SLC12A5: variants seen among roughly 807,000 people sequenced by gnomAD.
The protein encoded by SLC12A5 is solute carrier family 12 member 5.
In SLC12A5, 18 loss-of-function variants were observed where a neutral mutation model predicts 124.0. That is an observed-to-expected ratio of 0.15 (90% CI 0.10 to 0.22). The LOEUF is 0.22. Among genes scored for constraint, SLC12A5 ranks in the 10% least tolerant of loss-of-function variants. SLC12A5 has a pLI of 1.00. For synonymous variants in SLC12A5, 589 were observed against 568.0 expected (o/e 1.04, Z -0.53); for missense variants, 867 against 1,478.7 (o/e 0.59, Z 6.78).
At chr20:46,043,797 C>G (rs2084569671) in intron 10 of SLC12A5, 66 bp downstream of exon 10, 1 of 1,612,448 alleles carries the variant, frequency 6.2e-7, no homozygotes, top group African/African-American at 1.3e-5. Flanking sequence ...GCTGAACTTG[C>G]TGCCTTACCT....
upstream of SLC12A5, among the ~76,000 whole-genome samples, chr20:46,026,518 T>A (rs1051284218): frequency 1.3e-5 from 2 of 152,214 alleles, no homozygotes; most frequent in Non-Finnish European, 1.5e-5. Context: ...TAGGGCACAG[T>A]CTTCCTGAGA....
chr20:46,029,596 G>C (rs972526120), intron 1 of SLC12A5, among the ~76,000 whole-genome samples, 200 bp downstream of exon 1: 3 of 152,214 alleles, frequency 2.0e-5, no homozygotes, highest in Non-Finnish European at 2.9e-5. Flanking sequence ...CGCCGCGCCC[G>C]GGGGCAGAGC....
chr20:46,048,146 G>A (rs1163561101), intron 16 of SLC12A5, 61 bp downstream of exon 16: 25 of 1,459,988 alleles, frequency 1.7e-5, no homozygotes, highest in Non-Finnish European at 2.2e-5. Context: ...AGGCTCAGGA[G>A]ACAGGGGGAA....
chr20:46,050,231 G>GGGAAAGCTGCTTGCTGAAAGTC (rs1332535800), intron 17 of SLC12A5, among the ~76,000 whole-genome samples: 79 of 152,344 alleles, frequency 5.2e-4, no homozygotes, highest in African/African-American at 1.8e-3. Flanking sequence ...GACCCAGAGA[G>GGGAAAGCTGCTTGCTGAAAGTC]GGAAAGCTGC....
chr20:46,046,307 C>T, intron 13 of SLC12A5, 31 bp from the exon 14 acceptor site: 1 of 1,593,210 alleles, frequency 6.3e-7, no homozygotes, highest in Non-Finnish European at 8.6e-7. Context: ...CTTTGCATCT[C>T]TGTCTCCCCT....
chr20:46,034,452 C>T (rs978730573), intron 1 of SLC12A5, among the ~76,000 whole-genome samples: 6 of 152,180 alleles, frequency 3.9e-5, no homozygotes, highest in Admixed American at 1.3e-4. Flanking sequence ...CCCTGCTTCC[C>T]CCATGCCTGT....
intron 9 of SLC12A5, 134 bp from the exon 10 acceptor site, chr20:46,043,499 C>T: frequency 8.5e-7 from 1 of 1,181,360 alleles, no homozygotes; most frequent in Non-Finnish European, 1.2e-6. Flanking sequence ...AGTAACATGT[C>T]CAAGGTCTCA....
chr20:46,041,509 C>A lies in SLC12A5; in HGVS notation c.1035C>A (p.Gly345=). The A allele has an allele frequency of 1.2e-6, 2 of 1,614,100 alleles. No individual in the cohort carries two copies. Among genetic ancestry groups the A allele is most frequent in the Non-Finnish European group, 1.7e-6 (2 of 1,180,012 alleles). ...FTRNNVTEIQ[G]IPGAASGLIK... ...GAAACAATGTCACAGAGATCCAGGG[C>A]ATCCCTGGTGCTGCCAGTGGCCTCA... Residue 345 remains glycine (G), a synonymous_variant, in exon 8 of 26, where the codon GGC becomes GGA. Transcript: ENST00000243964.
chr20:46,054,653 T>C (rs905606046), intron 20 of SLC12A5, among the ~76,000 whole-genome samples: 1 of 152,252 alleles, frequency 6.6e-6, no homozygotes, highest in African/African-American at 2.4e-5. Context: ...CACTCATTCA[T>C]TAGTTCATCC....
intron 7 of SLC12A5, 156 bp downstream of exon 7, chr20:46,040,770 G>A: frequency 5.9e-6 from 7 of 1,195,254 alleles, no homozygotes; most frequent in Non-Finnish European, 8.0e-6. Context: ...CTCTTAGTTT[G>A]GGGGCAATCT....
At chr20:46,030,016 G>T (rs2084434743) in intron 1 of SLC12A5, among the ~76,000 whole-genome samples, 1 of 151,818 alleles carries the variant, frequency 6.6e-6, no homozygotes, top group Admixed American at 6.6e-5. Flanking sequence ...TTGTCCCCTT[G>T]GTGCAATCTG....
chr20:46,032,183 CGCTGCGCTCTCG>C (rs1226930584), intron 1 of SLC12A5, among the ~76,000 whole-genome samples: 2 of 152,222 alleles, frequency 1.3e-5, no homozygotes, highest in Admixed American at 1.3e-4. Flanking sequence ...CTAGGCTCGG[CGCTGCGCTCTCG>C]GCCTGCGCGG....
chr20:46,021,843 T>C (rs1012035381), exon 1 of SLC12A5: 212 of 1,533,060 alleles, frequency 1.4e-4, no homozygotes, highest in Non-Finnish European at 1.8e-4. Context: ...CCCGCCGGCA[T>C]TCGGTCGCAG....
At chr20:46,029,142 G>GT, upstream of SLC12A5, 1 of 1,395,784 alleles carries the variant, frequency 7.2e-7, no homozygotes, top group Non-Finnish European at 9.3e-7. Flanking sequence ...GAGCAGCGCC[G>GT]CTGCTGAGAG....
upstream of SLC12A5, chr20:46,027,735 A>T (rs971400868): frequency 6.6e-6 from 1 of 152,182 alleles, no homozygotes; most frequent in Non-Finnish European, 1.5e-5. Context: ...AGGCAAGACG[A>T]CTTTTATAAG....
rs2084561781 is a variant in SLC12A5 at position 46,043,048 on chromosome 20, T to G, written c.1067-105T>G. On this transcript the variant is annotated intron_variant, in intron 8 of 25. Transcript: ENST00000243964. ...AGAGATAAGGCCGGGGAGAGTGAGA[T>G]GGGGTTGATCTTGACCCTGACTTTT... 3 of 1,061,658 alleles carry G rather than the reference T, an allele frequency of 2.8e-6. No homozygotes were observed. The Admixed American group carries it at 6.4e-5, about 23-fold the overall frequency. The allele number at this position is 1,061,658 out of a possible 1,614,324, so 65.8% of individuals were successfully genotyped here.
In SLC12A5 at chr20:46,058,370, C is replaced by G. The variant is rs1200698715; in HGVS notation, c.*765C>G. The G allele has an allele frequency of 5.0e-6, 2 of 398,188 alleles. No individual in the cohort carries two copies. The highest frequency in any genetic ancestry group is 8.8e-6 in the Non-Finnish European group (2 of 226,114). 24.7% of individuals were successfully genotyped at this position (398,188 alleles called of 1,614,324 possible). A position where few individuals can be genotyped will look rare whatever the true frequency, so the allele number is the denominator to read the frequency against. Reference sequence around the variant, plus strand: ...TCGCCTCTTCGCCCTTTCCGCGCGCCCTTGGCTTCCCACCCTCCTCTCCAG... The same window carrying G: ...TCGCCTCTTCGCCCTTTCCGCGCGCGCTTGGCTTCCCACCCTCCTCTCCAG... On this transcript the variant is annotated 3_prime_UTR_variant, in exon 26 of 26. Transcript: ENST00000243964. This position sits in a 1 kb window ranked among gnomAD's most constrained non-coding sequence, Gnocchi z 5.8.
At chr20:46,051,405 A>G (rs765526950) in intron 17 of SLC12A5, among the ~76,000 whole-genome samples, 1 of 152,054 alleles carries the variant, frequency 6.6e-6, no homozygotes, top group Admixed American at 6.5e-5. Context: ...GGTGGAGAGC[A>G]TGTCGGGCAG....
intron 13 of SLC12A5, 84 bp downstream of exon 13, chr20:46,046,080 C>T (rs2084592728): frequency 2.3e-6 from 3 of 1,315,468 alleles, no homozygotes; most frequent in East Asian, 2.3e-5. Flanking sequence ...TGACAACCCA[C>T]CCAGACACTT....
Sources: gnomAD v4.1 joint callset for allele counts (sites outside exome capture counted in the v4.1 genomes callset) on GRCh38, gnomAD v4.1.1 for gene constraint, Gnocchi (gnomAD v3.1) non-coding constraint, MANE v1.5 for transcripts, NCBI Gene and HGNC (gene_info 2026-07-23, HGNC 2026-07-21) for gene names.